The following WWOX variants were observed in gnomAD, a reference collection of about 807,000 sequenced individuals.
WWOX encodes the protein WW domain-containing oxidoreductase.
In WWOX, 69 loss-of-function variants were observed where a neutral mutation model predicts 46.2. That is an observed-to-expected ratio of 1.49 (90% CI 1.23 to 1.82). The LOEUF (loss-of-function observed/expected upper bound fraction) is 1.82. Among genes scored for constraint, WWOX ranks in the 40% most tolerant of loss-of-function variants. WWOX has a pLI of 0.00. For synonymous variants in WWOX, 359 were observed against 202.6 expected (o/e 1.77, Z -6.56); for missense variants, 919 against 542.6 (o/e 1.69, Z -6.89).
At chr16:78,528,492 G>C (rs936817022) in intron 8 of WWOX, among the ~76,000 whole-genome samples, 2 of 152,090 alleles carry the variant, frequency 1.3e-5, no homozygotes, top group African/African-American at 4.8e-5. Flanking sequence ...TTTCATGATT[G>C]ATTCATGATG....
intron 8 of WWOX, among the ~76,000 whole-genome samples, chr16:78,659,130 A>T (rs1324476289): frequency 2.0e-5 from 3 of 151,512 alleles, no homozygotes; most frequent in Non-Finnish European, 4.4e-5. Flanking sequence ...AAAACAAAAC[A>T]CATGCTGGTG....
At chr16:78,172,815 A>C (rs959076306) in intron 5 of WWOX, among the ~76,000 whole-genome samples, 2 of 152,162 alleles carry the variant, frequency 1.3e-5, no homozygotes, top group Non-Finnish European at 2.9e-5. Context: ...CTTATTAAGC[A>C]ATTTTGACAT....
intron 8 of WWOX, among the ~76,000 whole-genome samples, chr16:78,617,995 A>C (rs1037248869): frequency 1.3e-5 from 2 of 152,170 alleles, no homozygotes; most frequent in Admixed American, 6.5e-5. Flanking sequence ...GTTAACAATT[A>C]GTGTTTATTG....
chr16:78,583,434 A>C (rs1281342182), intron 8 of WWOX, among the ~76,000 whole-genome samples: 1 of 152,206 alleles, frequency 6.6e-6, no homozygotes, highest in Non-Finnish European at 1.5e-5. Context: ...AAAGGAATTT[A>C]GAATCATGTC....
chr16:78,348,437 C>T (rs1476100673), intron 5 of WWOX, among the ~76,000 whole-genome samples: 2 of 120,766 alleles, frequency 1.7e-5, no homozygotes, highest in East Asian at 3.9e-4. Context: ...CCAAAGAGCT[C>T]GATACATATA....
At chr16:78,799,766 C>G (rs143015570) in intron 8 of WWOX, among the ~76,000 whole-genome samples, 63 of 152,302 alleles carry the variant, frequency 4.1e-4, no homozygotes, top group African/African-American at 1.5e-3. Flanking sequence ...ATTGGGCATG[C>G]CATTGGGAGA....
chr16:79,077,964 CTG>C (rs1430786169), intron 8 of WWOX: 1 of 152,140 alleles, frequency 6.6e-6, no homozygotes, highest in African/African-American at 2.4e-5. Context: ...CCAGGAAACT[CTG>C]TTCCTACCTG....
intron 4 of WWOX, chr16:78,124,148 T>G (rs982588667): frequency 6.6e-6 from 1 of 152,132 alleles, no homozygotes; most frequent in African/African-American, 2.4e-5. Context: ...ACGAATATGC[T>G]ATATTATATA....
rs184251751 is a variant in WWOX, at chr16:78,169,831, T to C, written c.516+5542T>C. On this transcript the variant is annotated intron_variant, in intron 5 of 8. Coordinates refer to ENST00000566780, the MANE Select transcript of WWOX (RefSeq NM_016373.4). ...TTGAGAGAGAGGAGAGGGATTGTTA[T>C]GAGTAACCAATGTTCCTCATGCCTG... Among the ~76,000 whole-genome samples the C allele has an allele frequency of 2.4e-3, 367 of 152,252 alleles. 1 individual carries two copies. Among genetic ancestry groups the C allele is most frequent in the African/African-American group, 8.5e-3 (355 of 41,538 alleles).
intron 8 of WWOX, among the ~76,000 whole-genome samples, chr16:78,457,787 G>T (rs1224221459): frequency 6.6e-6 from 1 of 151,758 alleles, no homozygotes; most frequent in African/African-American, 2.4e-5. Context: ...GTGGTGGCGG[G>T]CGCCTGTAGT....
At chr16:78,868,223 T>C (rs1483081354) in intron 8 of WWOX, among the ~76,000 whole-genome samples, 6 of 152,152 alleles carry the variant, frequency 3.9e-5, no homozygotes, top group African/African-American at 1.4e-4. Context: ...TGGATACCTT[T>C]AATAACATAG....
intron 5 of WWOX, among the ~76,000 whole-genome samples, chr16:78,251,911 G>A (rs957996815): frequency 3.9e-5 from 6 of 152,204 alleles, no homozygotes; most frequent in Admixed American, 3.3e-4. Flanking sequence ...CCCTCCATTA[G>A]CATGGTTAAT....
At position 78,314,405 on chromosome 16, in the gene WWOX, CAA is replaced by C. The variant is rs56032982; in HGVS notation, c.517-72438_517-72437del. 1.2e-3 allele frequency among the ~76,000 whole-genome samples: 126 copies of C among 101,480 alleles called. 1 individual carries two copies. Among genetic ancestry groups the C allele is most frequent in the East Asian group, 6.0e-3 (22 of 3,662 alleles). The allele number at this position is 101,480 out of a possible 152,430, so 66.6% of individuals were successfully genotyped here. ...TGAGCAACAGAGTGAGACTCTGTCTCAAAAAAAAAAAAAAAAAAGTACAGGAC... is the reference window on the plus strand; with the variant it reads ...TGAGCAACAGAGTGAGACTCTGTCTCAAAAAAAAAAAAAAAAGTACAGGAC... On this transcript the variant is annotated intron_variant, in intron 5 of 8. Coordinates refer to ENST00000566780, the MANE Select transcript of WWOX (RefSeq NM_016373.4).
chr16:78,753,825 A>AAATATAT (rs2049556906), intron 8 of WWOX, among the ~76,000 whole-genome samples: 1 of 21,362 alleles, frequency 4.7e-5, no homozygotes, highest in Non-Finnish European at 1.2e-4. Context: ...AAAAAAAAAA[A>AAATATAT]ATATATATAT....
At chr16:78,924,250 G>T (rs1040209970) in intron 8 of WWOX, among the ~76,000 whole-genome samples, 8 of 152,150 alleles carry the variant, frequency 5.3e-5, no homozygotes, top group Non-Finnish European at 4.4e-5. Flanking sequence ...TCTTGGAAAA[G>T]AACTTTATAA....
chr16:78,595,869 G>C (rs1308868712), intron 8 of WWOX, among the ~76,000 whole-genome samples: 1 of 152,136 alleles, frequency 6.6e-6, no homozygotes, highest in Non-Finnish European at 1.5e-5. Context: ...ACCTTTCTGT[G>C]CAACAGGGCA....
In WWOX at chr16:79,118,938, T is replaced by C. The variant is rs186510379; in HGVS notation, c.1057-92670T>C. ...ATTTCTATGTTGTTGGTCATTTATA[T>C]GGTTTTAAATACTTTTGGTGTCATA... On this transcript the variant is annotated intron_variant, in intron 8 of 8. Coordinates refer to ENST00000566780, the MANE Select transcript of WWOX (RefSeq NM_016373.4). Among the ~76,000 whole-genome samples the C allele has an allele frequency of 5.3e-5, 8 of 152,370 alleles. No individual in the cohort carries two copies. The East Asian group carries it at 1.5e-3, about 29-fold the overall frequency.
At chr16:78,369,893 G>T (rs1243010843) in intron 5 of WWOX, among the ~76,000 whole-genome samples, 1 of 152,022 alleles carries the variant, frequency 6.6e-6, no homozygotes. Flanking sequence ...AGCACTTTGG[G>T]AGGCCGAGGC....
At chr16:78,346,534 C>T (rs1416961343) in intron 5 of WWOX, among the ~76,000 whole-genome samples, 1 of 119,944 alleles carries the variant, frequency 8.3e-6, no homozygotes, top group Non-Finnish European at 2.0e-5. Flanking sequence ...TTTAAGGATC[C>T]ACTTCCTCTA....
Sources: gnomAD v4.1 joint callset for allele counts (sites outside exome capture counted in the v4.1 genomes callset) on GRCh38, gnomAD v4.1.1 for gene constraint, MANE v1.5 for transcripts, NCBI Gene and HGNC (gene_info 2026-07-23, HGNC 2026-07-21) for gene names.